Variants in BRSK1 observed in about 807,000 individuals in gnomAD.
The protein encoded by BRSK1 is serine/threonine-protein kinase BRSK1.
A neutral mutation model predicts 86.2 loss-of-function variants in BRSK1; 17 were observed. That is an observed-to-expected ratio of 0.20 (90% CI 0.14 to 0.30). BRSK1 has a LOEUF of 0.30. BRSK1 is among the 10% of genes least tolerant of loss of function. The pLI, the probability that BRSK1 is intolerant of heterozygous loss-of-function variation, is 1.00. For synonymous variants in BRSK1, 464 were observed against 440.1 expected (o/e 1.05, Z -0.68); for missense variants, 719 against 1,071.9 (o/e 0.67, Z 4.60).
chr19:55,289,377 G>A (rs1191136472), intron 3 of BRSK1, 103 bp from the exon 4 acceptor site: 2 of 1,370,304 alleles, frequency 1.5e-6, no homozygotes, highest in Non-Finnish European at 2.0e-6. Context: ...AGGATCATGG[G>A]AATTGGAGTT....
At chr19:55,311,296 C>G (rs1450581063) in intron 18 of BRSK1, among the ~76,000 whole-genome samples, 2 of 152,114 alleles carry the variant, frequency 1.3e-5, no homozygotes, top group Non-Finnish European at 1.5e-5. Flanking sequence ...ACGAGGTCTC[C>G]GCCACGGGAC....
chr19:55,308,270 C>T (rs1317227561), intron 17 of BRSK1, among the ~76,000 whole-genome samples: 4 of 109,954 alleles, frequency 3.6e-5, no homozygotes, highest in African/African-American at 5.8e-5. Context: ...AGTGATCTGC[C>T]CACATCGGCA....
At position 55,306,275 on chromosome 19, in the gene BRSK1, G is replaced by A; in HGVS notation, c.1914G>A (p.Val638=). Residue 638 remains valine, a synonymous_variant, in exon 17 of 19, where the codon GTG becomes GTA. Coordinates refer to ENST00000309383, the MANE Select transcript of BRSK1 (RefSeq NM_032430.2). The surrounding 1 kb of genome is among the most constrained non-coding windows in gnomAD (Gnocchi z 4.7). ...FLSIPSLSHS[V]LSQTSFRAEY... ...AGATCCCCAGCCTGAGTCACAGTGTGCTGTCACAGACCAGCTTCAGGGCCG... is the reference window on the plus strand; with the variant it reads ...AGATCCCCAGCCTGAGTCACAGTGTACTGTCACAGACCAGCTTCAGGGCCG... The A allele has an allele frequency of 6.2e-7, 1 of 1,614,056 alleles. No individual in the cohort carries two copies. Among genetic ancestry groups the A allele is most frequent in the Non-Finnish European group, 8.5e-7 (1 of 1,180,042 alleles).
At chr19:55,289,277 G>A (rs34355304) in intron 3 of BRSK1, among the ~76,000 whole-genome samples, 19,922 of 151,966 alleles carry the variant, frequency 0.13, 1,441 homozygotes, top group Middle Eastern at 0.21. Flanking sequence ...AGGGAGTGAT[G>A]GGAACTGGAA....
intron 4 of BRSK1, among the ~76,000 whole-genome samples, chr19:55,293,582 G>A (rs915305207): frequency 2.0e-5 from 3 of 151,798 alleles, no homozygotes; most frequent in African/African-American, 7.3e-5. Flanking sequence ...AGAGGCCAAG[G>A]CGGGCGGATC....
In BRSK1 at chr19:55,304,481, T is replaced by C; in HGVS notation, c.1348-70T>C. ...GGGCCAGCGTCCGTGAGTGTGCGTG[T>C]GAGTGGGGCTCCTAGAGCCTCCTGG... On this transcript the variant is annotated intron_variant, in intron 13 of 18. Transcript: ENST00000309383. The surrounding 1 kb of genome is among the most constrained non-coding windows in gnomAD (Gnocchi z 5.2). The C allele has an allele frequency of 6.8e-7, 1 of 1,459,998 alleles. No individual in the cohort carries two copies. Among genetic ancestry groups the C allele is most frequent in the Non-Finnish European group, 9.1e-7 (1 of 1,102,756 alleles). The allele number at this position is 1,459,998 out of a possible 1,614,324, so 90.4% of individuals were successfully genotyped here. A position where few individuals can be genotyped will look rare whatever the true frequency, so the allele number is the denominator to read the frequency against.
rs898664357 is a variant in BRSK1, at chr19:55,302,021, C to T, written c.826-116C>T. On this transcript the variant is annotated intron_variant, in intron 8 of 18. Transcript: ENST00000309383. The surrounding 1 kb of genome is among the most constrained non-coding windows in gnomAD (Gnocchi z 6.3). ...GCGATGTAATATGTCATCCTGCCCC[C>T]GGTGGGGTGGGCGGGGAGATGATCA... 43 of 1,202,060 alleles carry T rather than the reference C, an allele frequency of 3.6e-5. No homozygotes were observed. The South Asian group carries it at 4.3e-4, about 12-fold the overall frequency. The allele number at this position is 1,202,060 out of a possible 1,614,324, so 74.5% of individuals were successfully genotyped here.
At position 55,284,356 on chromosome 19, in the gene BRSK1, A is replaced by G; in HGVS notation, c.-87A>G. On this transcript the variant is annotated 5_prime_UTR_variant, in exon 1 of 19. Transcript: ENST00000309383. ...GGGGCAGCCGGGGGGGCCGGGACGGAGCGGTCGCCGGCCCCCACCGGAGAG... is the reference window on the plus strand; with the variant it reads ...GGGGCAGCCGGGGGGGCCGGGACGGGGCGGTCGCCGGCCCCCACCGGAGAG... The G allele has an allele frequency of 2.2e-6, 2 of 894,308 alleles. No individual in the cohort carries two copies. Among genetic ancestry groups the G allele is most frequent in the Non-Finnish European group, 2.9e-6 (2 of 679,382 alleles). The allele number at this position is 894,308 out of a possible 1,614,324, so 55.4% of individuals were successfully genotyped here.
intron 7 of BRSK1, among the ~76,000 whole-genome samples, chr19:55,298,124 G>C (rs939546259): frequency 1.3e-5 from 2 of 151,646 alleles, no homozygotes; most frequent in East Asian, 3.9e-4. Context: ...CCACTGTGAG[G>C]GTTTAAATAA....
chr19:55,285,070 G>A (rs2088289888), intron 1 of BRSK1, among the ~76,000 whole-genome samples: 1 of 151,240 alleles, frequency 6.6e-6, no homozygotes. Flanking sequence ...AGGGAGGAGG[G>A]GACTGGGGTC....
chr19:55,305,007 A>G, intron 14 of BRSK1, 87 bp downstream of exon 14: 1 of 1,555,652 alleles, frequency 6.4e-7, no homozygotes, highest in East Asian at 2.2e-5. Flanking sequence ...TGGCGTGTCT[A>G]GAGAGGAAGG....
At chr19:55,296,901 A>C (rs1349628636) in intron 7 of BRSK1, among the ~76,000 whole-genome samples, 1 of 152,044 alleles carries the variant, frequency 6.6e-6, no homozygotes, top group African/African-American at 2.4e-5. Flanking sequence ...CTGTAGTCCC[A>C]GTTACTCAGG....
At chr19:55,311,767 C>A in intron 18 of BRSK1, 144 bp from the exon 19 acceptor site, 1 of 830,112 alleles carries the variant, frequency 1.2e-6, no homozygotes. Flanking sequence ...AGGTGCTGGA[C>A]GGACTGGGCC....
intron 7 of BRSK1, among the ~76,000 whole-genome samples, chr19:55,298,900 G>A (rs1406334052): frequency 6.6e-6 from 1 of 152,210 alleles, no homozygotes. Flanking sequence ...TTGTAGTGCT[G>A]CTGGCCATGA....
rs1375075461 is a variant in BRSK1 at position 55,304,858 on chromosome 19, G to A, written c.1655G>A (p.Arg552His). ...GGVGGAAWRS[R>H]LNSIRNSFLG... is the part of the protein sequence containing the mutation. Reference sequence around the variant, plus strand: ...GTCGGGGGAGCCGCCTGGAGGAGTCGTCTCAACTCCATCCGCAACAGCTTC... The same window carrying A: ...GTCGGGGGAGCCGCCTGGAGGAGTCATCTCAACTCCATCCGCAACAGCTTC... Residue 552 changes from arginine (R) to histidine (H), a missense_variant, in exon 14 of 19, where the codon CGT becomes CAT. Physicochemically the swap from Arg to His is conservative, Grantham distance 29 (BLOSUM62 0). Coordinates refer to ENST00000309383, the MANE Select transcript of BRSK1 (RefSeq NM_032430.2). This position sits in a 1 kb window ranked among gnomAD's most constrained non-coding sequence, Gnocchi z 5.2. 1 of 1,609,176 alleles carries A rather than the reference G, an allele frequency of 6.2e-7. No individual in the cohort carries two copies. The highest frequency in any genetic ancestry group is 8.5e-7 in the Non-Finnish European group (1 of 1,179,638).
At position 55,289,476 on chromosome 19, in the gene BRSK1, TTAG is replaced by T; in HGVS notation, c.318-3_318-1del. ...CAGCCCTCTGCCCCCTCTATATCCT[TTAG>T]GTACCTGGTTCTGGAGCACGTCTCG... On this transcript the variant is annotated splice_acceptor_variant and splice_polypyrimidine_tract_variant and intron_variant, in intron 3 of 18. Coordinates refer to ENST00000309383, the MANE Select transcript of BRSK1 (RefSeq NM_032430.2). LOFTEE classifies it high-confidence loss of function. The T allele has an allele frequency of 6.2e-7, 1 of 1,611,098 alleles. No individual in the cohort carries two copies. Among genetic ancestry groups the T allele is most frequent in the Non-Finnish European group, 8.5e-7 (1 of 1,178,546 alleles).
At position 55,304,640 on chromosome 19, in the gene BRSK1, T is replaced by A; in HGVS notation, c.1437T>A (p.Pro479=). ...CGACTTCCAAAACGCAGACGCTGCC[T>A]TCTCGGGGCCCCAGGGGTGGGGGCG... ...GSPTSKTQTL[P]SRGPRGGGAG... The change falls in exon 14 of 19, where the codon CCT becomes CCA. Residue 479 remains proline, a synonymous_variant. Transcript: ENST00000309383. The surrounding 1 kb of genome is among the most constrained non-coding windows in gnomAD (Gnocchi z 5.2). 2.0e-6 allele frequency: 3 copies of A among 1,529,272 alleles called. No homozygotes were observed. Among genetic ancestry groups the A allele is most frequent in the Non-Finnish European group, 1.8e-6 (2 of 1,141,612 alleles). The allele number at this position is 1,529,272 out of a possible 1,614,324, so 94.7% of individuals were successfully genotyped here. A position where few individuals can be genotyped will look rare whatever the true frequency, so the allele number is the denominator to read the frequency against.
chr19:55,305,386 A>G lies in BRSK1; in HGVS notation c.1766+17A>G. 6.2e-7 allele frequency: 1 copy of G among 1,614,168 alleles called. No individual in the cohort carries two copies. Among genetic ancestry groups the G allele is most frequent in the Non-Finnish European group, 8.5e-7 (1 of 1,180,008 alleles). On this transcript the variant is annotated intron_variant, in intron 15 of 18. Coordinates refer to ENST00000309383, the MANE Select transcript of BRSK1 (RefSeq NM_032430.2). ...CTCCCCGGAGTGAGTCTCACAGGGA[A>G]GGAAAGAGTGGGGATGCAGGGGATT...
At position 55,302,567 on chromosome 19, in the gene BRSK1, A is replaced by G; in HGVS notation, c.858-130A>G. The G allele has an allele frequency of 8.1e-7, 1 of 1,233,428 alleles. No individual in the cohort carries two copies. The highest frequency in any genetic ancestry group is 1.1e-6 in the Non-Finnish European group (1 of 880,178). 76.4% of individuals were successfully genotyped at this position (1,233,428 alleles called of 1,614,324 possible). On this transcript the variant is annotated intron_variant, in intron 9 of 18. Transcript: ENST00000309383. This position sits in a 1 kb window ranked among gnomAD's most constrained non-coding sequence, Gnocchi z 6.3. ...GGGGGGCGAGGTCTGGGGCGTCTGG[A>G]TTCCTGGGTATGAGAGAGAAGGGGC...
Sources: gnomAD v4.1 joint callset for allele counts (sites outside exome capture counted in the v4.1 genomes callset) on GRCh38, gnomAD v4.1.1 for gene constraint, Gnocchi (gnomAD v3.1) non-coding constraint, MANE v1.5 for transcripts, NCBI Gene and HGNC (gene_info 2026-07-23, HGNC 2026-07-21) for gene names.